Variants in UBXN2A observed in about 807,000 individuals in gnomAD.
The protein encoded by UBXN2A is UBX domain-containing protein 2A.
In UBXN2A, 28 loss-of-function variants were observed where a neutral mutation model predicts 28.4. The observed-to-expected ratio is 0.99, with a 90% CI of 0.73 to 1.35. The LOEUF is 1.35. UBXN2A is among the 40% of genes most tolerant of loss of function. The probability of loss-of-function intolerance (pLI) is 0.00; values close to 1 mark genes in which losing one functional copy is unlikely to be tolerated. For synonymous variants in UBXN2A, 97 were observed against 103.6 expected, an observed-to-expected ratio of 0.94 and a Z score of 0.39; for missense variants, 253 against 297.9, an observed-to-expected ratio of 0.85 and a Z score of 1.11.
At chr2:23,980,608 T>C (rs1332474092) in intron 4 of UBXN2A, among the ~76,000 whole-genome samples, 1 of 152,118 alleles carries the variant, frequency 6.6e-6, no homozygotes, top group African/African-American at 2.4e-5. Context: ...TCAAATCCTC[T>C]GTCCAGTTTT....
At chr2:23,976,348 T>C (rs778655110) in intron 3 of UBXN2A, among the ~76,000 whole-genome samples, 6 of 152,200 alleles carry the variant, frequency 3.9e-5, no homozygotes, top group Non-Finnish European at 8.8e-5. Context: ...CTGAGTATTC[T>C]CTCTCCTGAT....
chr2:23,980,616 T>C (rs1558301845), intron 4 of UBXN2A, among the ~76,000 whole-genome samples: 1 of 152,070 alleles, frequency 6.6e-6, no homozygotes, highest in Non-Finnish European at 1.5e-5. Context: ...TCTGTCCAGT[T>C]TTTTTATTTG....
chr2:23,997,821 T>C (rs1451738073), intron 6 of UBXN2A, among the ~76,000 whole-genome samples: 4 of 150,480 alleles, frequency 2.7e-5, no homozygotes, highest in African/African-American at 9.8e-5. Flanking sequence ...TTTTCTTTTT[T>C]TTTTTTTTAA....
chr2:23,942,584 AATTTTTGT>A (rs1396822733), intron 1 of UBXN2A, among the ~76,000 whole-genome samples: 3 of 150,764 alleles, frequency 2.0e-5, no homozygotes, highest in Non-Finnish European at 3.0e-5. Context: ...ATGCCCGGCT[AATTTTTGT>A]ATTTTTAGTA....
intron 3 of UBXN2A, 64 bp from the exon 4 acceptor site, chr2:23,976,904 CA>C: frequency 1.4e-6 from 2 of 1,398,904 alleles, no homozygotes; most frequent in South Asian, 1.2e-5. Context: ...AAGAAATTTT[CA>C]AAGGACTTTC....
At chr2:23,979,186 A>T (rs1707795782) in intron 4 of UBXN2A, among the ~76,000 whole-genome samples, 1 of 151,824 alleles carries the variant, frequency 6.6e-6, no homozygotes, top group African/African-American at 2.4e-5. Flanking sequence ...CTACTAAAAA[A>T]TACAAAAATT....
chr2:23,936,780 G>A (rs1041285957), upstream of UBXN2A, among the ~76,000 whole-genome samples: 3 of 152,044 alleles, frequency 2.0e-5, no homozygotes, highest in Non-Finnish European at 2.9e-5. Flanking sequence ...GCGTGATCTC[G>A]GCTCACTGCA....
chr2:23,981,648 CT>C (rs1707911915), intron 4 of UBXN2A, among the ~76,000 whole-genome samples: 1 of 151,952 alleles, frequency 6.6e-6, no homozygotes, highest in African/African-American at 2.4e-5. Context: ...AATCCCAACA[CT>C]TTGGGAGGCT....
rs570762264 is a variant in UBXN2A, at chr2:24,004,641, G to A, written c.*4774G>A. On this transcript the variant is annotated 3_prime_UTR_variant, in exon 7 of 7. Transcript: ENST00000309033. ...TGCACTCCAGCCTGGGCAACAGAGC[G>A]AGACTCCGTCTCAAAAAAAAGAAAA... is the stretch of plus-strand genomic sequence containing the variant. The A allele has an allele frequency of 6.6e-6, 1 of 152,128 alleles. No homozygotes were observed. Among genetic ancestry groups the A allele is most frequent in the Non-Finnish European group, 1.5e-5 (1 of 68,048 alleles). 9.4% of individuals were successfully genotyped at this position (152,128 alleles called of 1,614,324 possible). A position where few individuals can be genotyped will look rare whatever the true frequency, so the allele number is the denominator to read the frequency against.
chr2:23,986,578 A>T (rs977522178), intron 6 of UBXN2A, among the ~76,000 whole-genome samples: 7 of 150,994 alleles, frequency 4.6e-5, no homozygotes, highest in African/African-American at 1.5e-4. Flanking sequence ...TATCAGTTTG[A>T]TGCATTTTTC....
At chr2:23,942,720 A>C (rs911048276) in intron 1 of UBXN2A, among the ~76,000 whole-genome samples, 2 of 151,756 alleles carry the variant, frequency 1.3e-5, no homozygotes, top group Non-Finnish European at 2.9e-5. Flanking sequence ...TGCCCGGCTG[A>C]TGCAGGGCCT....
intron 1 of UBXN2A, among the ~76,000 whole-genome samples, chr2:23,950,289 G>A (rs1313287493): frequency 6.6e-6 from 1 of 152,162 alleles, no homozygotes; most frequent in Non-Finnish European, 1.5e-5. Context: ...GGATTTGAAT[G>A]CCTAGGACGA....
chr2:23,971,432 A>G lies in UBXN2A; in HGVS notation c.180+18A>G. 6.6e-7 allele frequency: 1 copy of G among 1,513,292 alleles called. No individual in the cohort carries two copies. Among genetic ancestry groups the G allele is most frequent in the Non-Finnish European group, 8.9e-7 (1 of 1,120,612 alleles). 93.7% of individuals were successfully genotyped at this position (1,513,292 alleles called of 1,614,324 possible). ...AGAAACAGGTAAATAAATGTCTATT[A>G]CTTTTCTTTTTCTTTCAGTGTTTCT... On this transcript the variant is annotated intron_variant, in intron 3 of 6. Coordinates refer to ENST00000309033, the MANE Select transcript of UBXN2A (RefSeq NM_181713.4).
intron 6 of UBXN2A, among the ~76,000 whole-genome samples, chr2:23,997,778 T>C (rs1708596794): frequency 6.7e-6 from 1 of 150,216 alleles, no homozygotes. Flanking sequence ...TTTGTTTTGA[T>C]TTTATTAGTT....
intron 6 of UBXN2A, among the ~76,000 whole-genome samples, chr2:23,989,788 A>G (rs1356171338): frequency 6.6e-6 from 1 of 152,040 alleles, no homozygotes; most frequent in Non-Finnish European, 1.5e-5. Context: ...CTGTGGTCTC[A>G]GATACTCGGG....
At chr2:23,985,500 C>A (rs1708088608) in intron 6 of UBXN2A, among the ~76,000 whole-genome samples, 1 of 152,118 alleles carries the variant, frequency 6.6e-6, no homozygotes, top group Admixed American at 6.6e-5. Context: ...GATCTGCCCG[C>A]TTTGGCCTCC....
At chr2:23,955,540 G>A (rs1573550606) in intron 1 of UBXN2A, among the ~76,000 whole-genome samples, 1 of 152,138 alleles carries the variant, frequency 6.6e-6, no homozygotes, top group African/African-American at 2.4e-5. Context: ...TCTGGAAAGT[G>A]TCATTAGGCA....
chr2:23,986,674 C>G (rs1045900682), intron 6 of UBXN2A, among the ~76,000 whole-genome samples: 1 of 150,360 alleles, frequency 6.7e-6, no homozygotes, highest in Non-Finnish European at 1.5e-5. Flanking sequence ...GTGGCACGAT[C>G]TCAGCTCACT....
At chr2:23,998,298 G>A (rs557919796) in intron 6 of UBXN2A, among the ~76,000 whole-genome samples, 1 of 152,262 alleles carries the variant, frequency 6.6e-6, no homozygotes, top group South Asian at 2.1e-4. Context: ...CACCAAGGAT[G>A]TATCTATGAA....
Sources: gnomAD v4.1 joint callset for allele counts (sites outside exome capture counted in the v4.1 genomes callset) on GRCh38, gnomAD v4.1.1 for gene constraint, MANE v1.5 for transcripts, NCBI Gene and HGNC (gene_info 2026-07-23, HGNC 2026-07-21) for gene names.